MOB1B: variants seen among roughly 807,000 people sequenced by gnomAD.
The protein encoded by MOB1B is MOB kinase activator 1B, also known as MOB1 Mps One Binder homolog B.
In MOB1B, 19 loss-of-function variants were observed where a neutral mutation model predicts 24.4. That is an observed-to-expected ratio of 0.78 (90% CI 0.54 to 1.14). The LOEUF (loss-of-function observed/expected upper bound fraction) is 1.14. Among genes scored for constraint, MOB1B ranks in the 50% most tolerant of loss-of-function variants. The pLI is 0.00. For missense variants in MOB1B, 243 were observed against 259.6 expected (o/e 0.94, Z 0.44); for synonymous variants, 76 against 82.1 (o/e 0.93, Z 0.40).
intron 1 of MOB1B, among the ~76,000 whole-genome samples, chr4:70,910,892 T>C (rs990415154): frequency 3.3e-5 from 5 of 151,880 alleles, no homozygotes; most frequent in Non-Finnish European, 5.9e-5. Context: ...GGATTCAGCG[T>C]TTATCCTGCC....
rs200958939 is a variant in MOB1B at position 70,971,905 on chromosome 4, TC to T, written c.275+1882del. ...TCTGCTTCCCTCTCTTTCTCTTCTT[TC>T]TTCCTTCTTTCCCTTCCTTTCTCCC... On this transcript the variant is annotated intron_variant, in intron 3 of 5. Transcript: ENST00000309395. Among the ~76,000 whole-genome samples the T allele has an allele frequency of 3.3e-5, 5 of 151,966 alleles. No homozygotes were observed. The East Asian group carries it at 9.7e-4, about 29-fold the overall frequency.
chr4:70,912,678 C>A (rs1736039720), intron 1 of MOB1B, among the ~76,000 whole-genome samples: 1 of 152,214 alleles, frequency 6.6e-6, no homozygotes, highest in Admixed American at 6.5e-5. Context: ...CATTGAGTTT[C>A]ATCTGTTGCT....
chr4:70,950,770 T>C (rs1244723745), intron 1 of MOB1B: 2 of 1,534,386 alleles, frequency 1.3e-6, no homozygotes, highest in East Asian at 2.4e-5. Context: ...TCTGTAGTGT[T>C]GGACTTAGAC....
rs368728513 is a variant in MOB1B, at chr4:70,920,253, C to T, written c.14+17703C>T. Among the ~76,000 whole-genome samples the T allele has an allele frequency of 3.8e-4, 58 of 152,144 alleles. No homozygotes were observed. The East Asian group carries it at 0.011, about 29-fold the overall frequency. On this transcript the variant is annotated intron_variant, in intron 1 of 5. Transcript: ENST00000309395. ...TCCTCTTCCTCTTCCTCTCCTCCTC[C>T]TTCTCATTCTCCTTCTCCTTCTCCT... is the stretch of plus-strand genomic sequence containing the variant.
intron 2 of MOB1B, among the ~76,000 whole-genome samples, chr4:70,962,594 GA>G (rs571466680): frequency 1.0e-3 from 151 of 146,844 alleles, no homozygotes; most frequent in Middle Eastern, 3.6e-3. Flanking sequence ...AAACTTCTAG[GA>G]AAAAAAAAAC....
intron 1 of MOB1B, among the ~76,000 whole-genome samples, chr4:70,935,410 C>T (rs533633187): frequency 2.0e-5 from 3 of 152,254 alleles, no homozygotes; most frequent in South Asian, 4.1e-4. Flanking sequence ...CATATTTGCA[C>T]GTAGCTGATA....
chr4:70,952,535 T>C (rs994766486), intron 1 of MOB1B, among the ~76,000 whole-genome samples: 10 of 148,648 alleles, frequency 6.7e-5, no homozygotes, highest in Non-Finnish European at 5.9e-5. Flanking sequence ...CCCAGCTACT[T>C]GGGAGGCTGA....
intron 1 of MOB1B, among the ~76,000 whole-genome samples, chr4:70,947,262 A>C (rs981575453): frequency 2.0e-5 from 3 of 152,076 alleles, no homozygotes; most frequent in Admixed American, 1.3e-4. Context: ...GGGTCTTCTT[A>C]TTGTTGATTT....
intron 5 of MOB1B, among the ~76,000 whole-genome samples, chr4:70,981,708 A>G (rs1739216841): frequency 6.6e-6 from 1 of 152,196 alleles, no homozygotes; most frequent in African/African-American, 2.4e-5. Flanking sequence ...CAGGCATTAC[A>G]TGAAGTAGTT....
chr4:70,972,201 T>C (rs1248161332), intron 3 of MOB1B, among the ~76,000 whole-genome samples: 1 of 152,094 alleles, frequency 6.6e-6, no homozygotes, highest in African/African-American at 2.4e-5. Flanking sequence ...TGTTCTCAGA[T>C]ACTGTTTTTT....
At chr4:70,932,211 A>G (rs1463097625) in intron 1 of MOB1B, among the ~76,000 whole-genome samples, 4 of 152,094 alleles carry the variant, frequency 2.6e-5, no homozygotes, top group Non-Finnish European at 4.4e-5. Context: ...ATATTTCTAT[A>G]TATATAATTT....
intron 1 of MOB1B, among the ~76,000 whole-genome samples, chr4:70,921,935 T>C (rs1736456207): frequency 6.6e-6 from 1 of 152,246 alleles, no homozygotes; most frequent in African/African-American, 2.4e-5. Context: ...ATTTAAACTT[T>C]TCCCACATCT....
chr4:70,905,242 C>CTTT (rs879337441), intron 1 of MOB1B, among the ~76,000 whole-genome samples: 1 of 143,904 alleles, frequency 6.9e-6, no homozygotes, highest in Non-Finnish European at 1.5e-5. Flanking sequence ...AATACTGTTT[C>CTTT]TTTTTTTTTT....
chr4:70,920,017 A>T (rs1310374693), intron 1 of MOB1B, among the ~76,000 whole-genome samples: 1 of 152,200 alleles, frequency 6.6e-6, no homozygotes, highest in Non-Finnish European at 1.5e-5. Flanking sequence ...ATTTGAACAT[A>T]ATTTAATTAC....
rs1739375762 is a variant in MOB1B, at chr4:70,986,190, G to A, written c.*4133G>A. The A allele has an allele frequency of 6.6e-6, 1 of 152,074 alleles. No homozygotes were observed. The highest frequency in any genetic ancestry group is 1.5e-5 in the Non-Finnish European group (1 of 68,002). 9.4% of individuals were successfully genotyped at this position (152,074 alleles called of 1,614,324 possible). On this transcript the variant is annotated 3_prime_UTR_variant, in exon 6 of 6. Transcript: ENST00000309395. ...ATTTTAACTACTGTAGGATAGTATT[G>A]ATTGAATGGATACTATGGAAAAGTG...
intron 4 of MOB1B, chr4:70,976,127 C>A (rs1738984109): frequency 1.3e-6 from 1 of 761,190 alleles, no homozygotes; most frequent in Non-Finnish European, 1.6e-6. Flanking sequence ...GTCTCGAACT[C>A]CTGACCTCAA....
intron 1 of MOB1B, among the ~76,000 whole-genome samples, chr4:70,952,529 G>C (rs1341015083): frequency 6.6e-6 from 1 of 151,260 alleles, no homozygotes; most frequent in Admixed American, 6.6e-5. Context: ...TGTAGACCCA[G>C]CTACTTGGGA....
At chr4:70,903,947 A>G (rs1735629201) in intron 1 of MOB1B, among the ~76,000 whole-genome samples, 2 of 151,462 alleles carry the variant, frequency 1.3e-5, no homozygotes, top group African/African-American at 4.8e-5. Context: ...TGATTTTATA[A>G]AAAAGTCCTT....
intron 1 of MOB1B, among the ~76,000 whole-genome samples, chr4:70,934,325 A>G (rs1304273448): frequency 6.6e-6 from 1 of 151,772 alleles, no homozygotes; most frequent in Admixed American, 6.6e-5. Context: ...GCCTCAAGTG[A>G]TTCACCTGCC....
Sources: allele counts gnomAD v4.1 joint callset (sites outside exome capture counted in the v4.1 genomes callset), GRCh38; gene constraint gnomAD v4.1.1; transcripts MANE v1.5; gene names NCBI Gene and HGNC (gene_info 2026-07-23, HGNC 2026-07-21).